PPP2R3A: variants seen among roughly 807,000 people sequenced by gnomAD.
PPP2R3A encodes serine/threonine-protein phosphatase 2A regulatory subunit B'' subunit alpha.
Under a neutral mutation model 106.9 loss-of-function variants are expected in PPP2R3A, and 80 were observed. That is an observed-to-expected ratio of 0.75 (90% confidence interval 0.62 to 0.90). PPP2R3A has a LOEUF of 0.90. PPP2R3A is among the 40% of genes least tolerant of loss of function. PPP2R3A has a pLI of 0.00. For synonymous variants in PPP2R3A, 483 were observed against 468.3 expected (o/e 1.03, Z -0.41); for missense variants, 1,386 against 1,350.4 (o/e 1.03, Z -0.41).
chr3:136,062,569 T>C (rs778439907), intron 5 of PPP2R3A, among the ~76,000 whole-genome samples: 12 of 151,646 alleles, frequency 7.9e-5, no homozygotes, highest in Non-Finnish European at 1.8e-4. Flanking sequence ...ATACAAAAAA[T>C]TAGCCAGGCG....
At chr3:136,045,434 A>G (rs961825682) in intron 4 of PPP2R3A, among the ~76,000 whole-genome samples, 1 of 152,222 alleles carries the variant, frequency 6.6e-6, no homozygotes, top group African/African-American at 2.4e-5. Flanking sequence ...AGCACTGGGA[A>G]AAGTGAGGTA....
intron 7 of PPP2R3A, among the ~76,000 whole-genome samples, chr3:136,079,616 C>T (rs1345935412): frequency 6.6e-6 from 1 of 151,854 alleles, no homozygotes; most frequent in South Asian, 2.1e-4. Context: ...ACTGTGTTGG[C>T]CAGGCTGGTC....
intron 2 of PPP2R3A, among the ~76,000 whole-genome samples, chr3:136,009,367 T>C (rs1042573510): frequency 6.6e-6 from 1 of 152,122 alleles, no homozygotes; most frequent in African/African-American, 2.4e-5. Flanking sequence ...CCTCTTCTGA[T>C]TGTAGTCATC....
At chr3:136,029,152 A>T (rs1207472504) in intron 3 of PPP2R3A, among the ~76,000 whole-genome samples, 1 of 152,200 alleles carries the variant, frequency 6.6e-6, no homozygotes, top group Non-Finnish European at 1.5e-5. Flanking sequence ...TTCTAACACG[A>T]GAGCAATTTG....
chr3:136,096,548 C>G (rs1308958950), intron 10 of PPP2R3A, among the ~76,000 whole-genome samples: 2 of 152,170 alleles, frequency 1.3e-5, no homozygotes, highest in East Asian at 1.9e-4. Flanking sequence ...CTGCTTCTAC[C>G]TTAGTCATCT....
At chr3:136,133,456 G>A (rs777835568) in intron 13 of PPP2R3A, among the ~76,000 whole-genome samples, 14 of 152,108 alleles carry the variant, frequency 9.2e-5, no homozygotes, top group Non-Finnish European at 1.9e-4. Flanking sequence ...ACAGCCACTT[G>A]AACAACTAAA....
intron 2 of PPP2R3A, among the ~76,000 whole-genome samples, chr3:136,010,556 A>G (rs928385311): frequency 2.0e-5 from 3 of 149,450 alleles, no homozygotes; most frequent in Non-Finnish European, 4.5e-5. Context: ...CCTCCCAAGT[A>G]GCTGGGACTA....
intron 13 of PPP2R3A, among the ~76,000 whole-genome samples, chr3:136,143,869 CCTCA>C (rs1010735112): frequency 2.0e-5 from 3 of 152,056 alleles, no homozygotes; most frequent in East Asian, 1.9e-4. Context: ...GCATATTTTC[CCTCA>C]CTAATTGGCC....
At chr3:136,041,263 T>TTG (rs1935274311) in intron 4 of PPP2R3A, among the ~76,000 whole-genome samples, 3 of 75,428 alleles carry the variant, frequency 4.0e-5, no homozygotes, top group African/African-American at 4.3e-5. Flanking sequence ...TTTTTTTTTG[T>TTG]TTTTTTTTTT....
At chr3:136,047,531 T>C (rs1054636414) in intron 4 of PPP2R3A, among the ~76,000 whole-genome samples, 3 of 152,124 alleles carry the variant, frequency 2.0e-5, no homozygotes, top group Non-Finnish European at 2.9e-5. Context: ...CCTAAGCAAA[T>C]TCGCAGAAAC....
At chr3:136,130,857 A>G (rs973167007) in intron 13 of PPP2R3A, among the ~76,000 whole-genome samples, 3 of 152,200 alleles carry the variant, frequency 2.0e-5, no homozygotes, top group African/African-American at 7.2e-5. Flanking sequence ...AACACCACAC[A>G]TCTACAACCA....
rs76720839 is a variant in PPP2R3A at position 136,109,759 on chromosome 3, C to T, written c.3329+3437C>T. ...TCAAACCACATAAAAGTAAGAAATACAGAATATCACTTAGAAGAGAAACTT... is the reference window on the plus strand; with the variant it reads ...TCAAACCACATAAAAGTAAGAAATATAGAATATCACTTAGAAGAGAAACTT... On this transcript the variant is annotated intron_variant, in intron 13 of 13. Transcript: ENST00000264977. Among the ~76,000 whole-genome samples, 307 of 152,082 alleles carry T rather than the reference C, an allele frequency of 2.0e-3. 1 individual carries two copies. Among genetic ancestry groups the T allele is most frequent in the Non-Finnish European group, 3.9e-3 (268 of 67,968 alleles).
chr3:136,056,387 G>A (rs1935861213), intron 5 of PPP2R3A, among the ~76,000 whole-genome samples: 1 of 152,118 alleles, frequency 6.6e-6, no homozygotes, highest in African/African-American at 2.4e-5. Flanking sequence ...CATATAGTAA[G>A]TGTAAGGTGT....
intron 12 of PPP2R3A, among the ~76,000 whole-genome samples, chr3:136,104,430 CTGAG>C (rs1312199231): frequency 6.6e-6 from 1 of 152,050 alleles, no homozygotes; most frequent in African/African-American, 2.4e-5. Flanking sequence ...CCTCAGTCTC[CTGAG>C]TAACTGGGAT....
chr3:136,147,441 T>TATC lies in PPP2R3A; in HGVS notation c.*2277_*2279dup, dbSNP rs960531427. 6.6e-6 allele frequency: 1 copy of TATC among 152,628 alleles called. No individual in the cohort carries two copies. Among genetic ancestry groups the TATC allele is most frequent in the African/African-American group, 2.4e-5 (1 of 41,450 alleles). 9.5% of individuals were successfully genotyped at this position (152,628 alleles called of 1,614,324 possible). A position where few individuals can be genotyped will look rare whatever the true frequency, so the allele number is the denominator to read the frequency against. On this transcript the variant is annotated 3_prime_UTR_variant, in exon 14 of 14. Coordinates refer to ENST00000264977, the MANE Select transcript of PPP2R3A (RefSeq NM_002718.5). ...ATGGGCTATTGTAATTTACCCACATTATCACATTTTCAGGAATTATAAGAA... is the reference window on the plus strand; with the variant it reads ...ATGGGCTATTGTAATTTACCCACATTATCATCACATTTTCAGGAATTATAAGAA...
chr3:136,100,805 G>A (rs1007586737), intron 10 of PPP2R3A, among the ~76,000 whole-genome samples: 2 of 152,246 alleles, frequency 1.3e-5, no homozygotes, highest in Non-Finnish European at 2.9e-5. Context: ...TCCAGCCTGG[G>A]CAGCAGAGTG....
chr3:136,094,149 G>C (rs1283324289), intron 10 of PPP2R3A, among the ~76,000 whole-genome samples: 2 of 152,230 alleles, frequency 1.3e-5, no homozygotes, highest in Non-Finnish European at 2.9e-5. Context: ...ATTTATATGA[G>C]TTGTCCAGAA....
chr3:136,046,885 CA>C (rs1318224421), intron 4 of PPP2R3A, among the ~76,000 whole-genome samples: 7 of 152,128 alleles, frequency 4.6e-5, no homozygotes, highest in African/African-American at 1.7e-4. Context: ...ATGACACAGC[CA>C]TTTTAAGAAA....
At chr3:136,060,211 G>A (rs1034958274) in intron 5 of PPP2R3A, among the ~76,000 whole-genome samples, 8 of 152,196 alleles carry the variant, frequency 5.3e-5, no homozygotes, top group African/African-American at 1.9e-4. Context: ...TCTGTTATTT[G>A]CAGCAACATG....
Sources: allele counts gnomAD v4.1 joint callset (sites outside exome capture counted in the v4.1 genomes callset), GRCh38; gene constraint gnomAD v4.1.1; transcripts MANE v1.5; gene names NCBI Gene and HGNC (gene_info 2026-07-23, HGNC 2026-07-21).